The following PRR16 variants were observed in gnomAD, a reference collection of about 807,000 sequenced individuals.
PRR16 encodes the protein proline rich 16, also known as protein Largen.
In PRR16, 6 loss-of-function variants were observed where a neutral mutation model predicts 18.2. That is an observed-to-expected ratio of 0.33 (90% CI 0.18 to 0.65). The LOEUF is 0.65. PRR16 is among the 30% of genes least tolerant of loss of function. The probability of loss-of-function intolerance (pLI) is 0.74; values close to 1 mark genes in which losing one functional copy is unlikely to be tolerated. For synonymous variants in PRR16, 151 were observed against 147.8 expected (o/e 1.02, Z -0.16); for missense variants, 412 against 376.6 (o/e 1.09, Z -0.78).
chr5:120,705,241 TATTC>T, the PRR16 span, among the ~76,000 whole-genome samples: 1 of 152,120 alleles, frequency 6.6e-6, no homozygotes, highest in East Asian at 1.9e-4. Context: ...ATATGAAAAT[TATTC>T]ATTTATAGCT....
intron 1 of PRR16, among the ~76,000 whole-genome samples, chr5:120,535,459 A>T (rs1434937716): frequency 6.6e-6 from 1 of 152,204 alleles, no homozygotes; most frequent in Non-Finnish European, 1.5e-5. Flanking sequence ...TCCATAGAAT[A>T]ATGACTTTCA....
intron 1 of PRR16, among the ~76,000 whole-genome samples, chr5:120,643,645 A>G (rs898980238): frequency 1.3e-5 from 2 of 152,090 alleles, no homozygotes; most frequent in Non-Finnish European, 2.9e-5. Flanking sequence ...GCAACAGGTC[A>G]TCTCCGTTCC....
At position 120,686,136 on chromosome 5, in the gene PRR16, C is replaced by T. The variant is rs1323268660; in HGVS notation, c.342C>T (p.Leu114=). ...IKPPAHPSAI[L]TVLRKPNPPP... is the part of the protein sequence containing the mutation. ...CCCCAGCACACCCGTCTGCTATCCTCACGGTCCTGAGAAAGCCAAACCCTC... is the reference window on the plus strand; with the variant it reads ...CCCCAGCACACCCGTCTGCTATCCTTACGGTCCTGAGAAAGCCAAACCCTC... Residue 114 remains leucine (L), a synonymous_variant, in exon 2 of 2, where the codon CTC becomes CTT. Transcript: ENST00000407149. The T allele has an allele frequency of 3.1e-6, 5 of 1,614,056 alleles. No homozygotes were observed. Among genetic ancestry groups the T allele is most frequent in the East Asian group, 2.2e-5 (1 of 44,878 alleles).
intron 1 of PRR16, among the ~76,000 whole-genome samples, chr5:120,556,537 T>G (rs1408379838): frequency 2.0e-5 from 3 of 151,896 alleles, no homozygotes; most frequent in African/African-American, 7.2e-5. Flanking sequence ...AGAATACTGG[T>G]ATAGCCTGTA....
the PRR16 span, among the ~76,000 whole-genome samples, chr5:120,762,289 C>T: frequency 6.6e-6 from 1 of 152,056 alleles, no homozygotes; most frequent in Non-Finnish European, 1.5e-5. Context: ...AAGAAATCTC[C>T]ATACTGTTTT....
intron 1 of PRR16, among the ~76,000 whole-genome samples, chr5:120,593,219 T>A (rs1239603102): frequency 6.6e-6 from 1 of 151,592 alleles, no homozygotes; most frequent in South Asian, 2.1e-4. Context: ...GATGAAGAAA[T>A]CTAGAATTGA....
chr5:120,754,011 A>G, the PRR16 span, among the ~76,000 whole-genome samples: 2 of 128,224 alleles, frequency 1.6e-5, no homozygotes, highest in South Asian at 2.2e-4. Flanking sequence ...TATATATTAT[A>G]TAATATATAA....
At chr5:120,516,633 T>C (rs1483487807) in intron 1 of PRR16, among the ~76,000 whole-genome samples, 2 of 152,074 alleles carry the variant, frequency 1.3e-5, no homozygotes, top group Non-Finnish European at 2.9e-5. Flanking sequence ...TGGACGCTTT[T>C]ATATATTTTT....
At chr5:120,780,400 T>G in the PRR16 span, among the ~76,000 whole-genome samples, 1 of 151,708 alleles carries the variant, frequency 6.6e-6, no homozygotes, top group Non-Finnish European at 1.5e-5. Context: ...GTGGTGATCT[T>G]AACTAATTTA....
chr5:120,514,828 C>T (rs1459175951), intron 1 of PRR16, among the ~76,000 whole-genome samples: 2 of 152,214 alleles, frequency 1.3e-5, no homozygotes, highest in African/African-American at 2.4e-5. Context: ...TCTGAGCTCT[C>T]ACCTGAATTA....
At chr5:120,555,020 T>C (rs1382949390) in intron 1 of PRR16, among the ~76,000 whole-genome samples, 1 of 151,972 alleles carries the variant, frequency 6.6e-6, no homozygotes, top group Admixed American at 6.6e-5. Flanking sequence ...TTTATTATTA[T>C]GCAAGTTTAT....
At chr5:120,473,488 G>A (rs180867073) in intron 1 of PRR16, among the ~76,000 whole-genome samples, 7 of 152,230 alleles carry the variant, frequency 4.6e-5, no homozygotes, top group Admixed American at 6.5e-5. Flanking sequence ...ATAGTGTGGC[G>A]ATAGTGACAG....
chr5:120,774,947 A>T, the PRR16 span, among the ~76,000 whole-genome samples: 1 of 152,188 alleles, frequency 6.6e-6, no homozygotes, highest in African/African-American at 2.4e-5. Flanking sequence ...AACCTCAAAG[A>T]GTTTTACTGT....
intron 1 of PRR16, among the ~76,000 whole-genome samples, chr5:120,606,861 C>T (rs1475278895): frequency 6.6e-6 from 1 of 151,974 alleles, no homozygotes; most frequent in East Asian, 1.9e-4. Flanking sequence ...GAGCTATGAT[C>T]ACCACTGTAC....
intron 1 of PRR16, among the ~76,000 whole-genome samples, chr5:120,468,515 A>G (rs954160996): frequency 2.0e-5 from 3 of 152,214 alleles, no homozygotes; most frequent in Admixed American, 2.0e-4. Flanking sequence ...AGTTTTAGTG[A>G]TAAAATTAAC....
At position 120,482,786 on chromosome 5, in the gene PRR16, T is replaced by A. The variant is rs185709261; in HGVS notation, c.159+18141T>A. Among the ~76,000 whole-genome samples, 3 of 152,286 alleles carry A rather than the reference T, an allele frequency of 2.0e-5. No individual in the cohort carries two copies. The East Asian group carries it at 5.8e-4, about 29-fold the overall frequency. Reference sequence around the variant, plus strand: ...ATGCCTTTTATGTTATTTTACCCTGTTAGCTTACCATAGTGCTGATCATGT... The same window carrying A: ...ATGCCTTTTATGTTATTTTACCCTGATAGCTTACCATAGTGCTGATCATGT... On this transcript the variant is annotated intron_variant, in intron 1 of 1. Coordinates refer to ENST00000407149, the MANE Select transcript of PRR16 (RefSeq NM_001300783.2).
At chr5:120,576,183 C>A (rs57650842) in intron 1 of PRR16, among the ~76,000 whole-genome samples, 77,342 of 151,896 alleles carry the variant, frequency 0.51, 20,153 homozygotes, top group Middle Eastern at 0.58. Flanking sequence ...AATCTTCTGC[C>A]CAAGAAAGAA....
chr5:120,703,221 C>G, the PRR16 span, among the ~76,000 whole-genome samples: 1 of 152,134 alleles, frequency 6.6e-6, no homozygotes, highest in Non-Finnish European at 1.5e-5. Flanking sequence ...AAAGGATTTT[C>G]ACAAGGTAAT....
At chr5:120,579,273 A>G (rs1328825823) in intron 1 of PRR16, among the ~76,000 whole-genome samples, 1 of 152,036 alleles carries the variant, frequency 6.6e-6, no homozygotes, top group Non-Finnish European at 1.5e-5. Context: ...TAATTTGTCA[A>G]TTTTGGCTTT....
Sources: allele counts gnomAD v4.1 joint callset (sites outside exome capture counted in the v4.1 genomes callset), GRCh38; gene constraint gnomAD v4.1.1; transcripts MANE v1.5; gene names NCBI Gene and HGNC (gene_info 2026-07-23, HGNC 2026-07-21).